GRIN2B: variants seen among roughly 807,000 people sequenced by gnomAD.
GRIN2B encodes glutamate ionotropic receptor NMDA type subunit 2B.
A neutral mutation model predicts 114.5 loss-of-function variants in GRIN2B; 5 were observed. The observed-to-expected ratio is 0.04, with a 90% CI of 0.02 to 0.09. GRIN2B has a LOEUF of 0.09. GRIN2B is among the 10% of genes least tolerant of loss of function. The pLI is 1.00. For synonymous variants in GRIN2B, 787 were observed against 745.1 expected, an observed-to-expected ratio of 1.06 and a Z score of -0.92; for missense variants, 1,108 against 1,943.5, an observed-to-expected ratio of 0.57 and a Z score of 8.08.
intron 3 of GRIN2B, among the ~76,000 whole-genome samples, chr12:13,806,987 A>G (rs777051966): frequency 7.2e-5 from 11 of 152,046 alleles, no homozygotes; most frequent in Non-Finnish European, 1.2e-4. Context: ...ATGACAGGGC[A>G]AGACTCCATC....
At chr12:13,930,115 T>C (rs1369122062) in intron 2 of GRIN2B, among the ~76,000 whole-genome samples, 3 of 151,696 alleles carry the variant, frequency 2.0e-5, no homozygotes, top group Admixed American at 6.6e-5. Flanking sequence ...ACCGGGGAGG[T>C]GGAAGCTGCA....
chr12:13,889,809 T>C (rs2136775297), intron 2 of GRIN2B, among the ~76,000 whole-genome samples: 1 of 152,262 alleles, frequency 6.6e-6, no homozygotes, highest in South Asian at 2.1e-4. Flanking sequence ...GCAGTACAAT[T>C]TTCACAAGTA....
At position 13,557,351 on chromosome 12, in the gene GRIN2B, A is replaced by G. The variant is rs566818885; in HGVS notation, c.*5432T>C. ...AGGTCATAAGTGGCTCTTTTACCAG[A>G]TAACAGGGCACCCCCTATGGAGGTG... On this transcript the variant is annotated 3_prime_UTR_variant, in exon 14 of 14. Transcript: ENST00000609686. 2 of 152,312 alleles carry G rather than the reference A, an allele frequency of 1.3e-5. No homozygotes were observed. The highest frequency in any genetic ancestry group is 6.5e-5 in the Admixed American group (1 of 15,300). The allele number at this position is 152,312 out of a possible 1,614,324, so 9.4% of individuals were successfully genotyped here. A position where few individuals can be genotyped will look rare whatever the true frequency, so the allele number is the denominator to read the frequency against.
intron 2 of GRIN2B, among the ~76,000 whole-genome samples, chr12:13,957,327 C>T (rs898428669): frequency 2.6e-5 from 4 of 152,076 alleles, no homozygotes; most frequent in African/African-American, 9.6e-5. Flanking sequence ...GGTGTGTATA[C>T]CATATACATG....
chr12:13,635,782 A>G (rs1253013335), intron 5 of GRIN2B, among the ~76,000 whole-genome samples: 1 of 152,172 alleles, frequency 6.6e-6, no homozygotes, highest in African/African-American at 2.4e-5. Context: ...AAGGTATTTT[A>G]TACCTCACAG....
chr12:13,658,371 C>T (rs527432313), intron 5 of GRIN2B, among the ~76,000 whole-genome samples: 58 of 152,104 alleles, frequency 3.8e-4, no homozygotes, highest in Middle Eastern at 6.8e-3. Flanking sequence ...CCTTAATGAA[C>T]GACTGCTATA....
intron 3 of GRIN2B, among the ~76,000 whole-genome samples, chr12:13,774,499 A>G (rs921836293): frequency 2.0e-5 from 3 of 152,196 alleles, no homozygotes; most frequent in Non-Finnish European, 4.4e-5. Context: ...GAGGCGTTTA[A>G]TAATTTTACA....
At chr12:13,611,951 A>G (rs1346388335) in intron 8 of GRIN2B, 101 bp from the exon 9 acceptor site, 1 of 1,196,546 alleles carries the variant, frequency 8.4e-7, no homozygotes, top group Admixed American at 1.7e-5. Flanking sequence ...TGGGGAACAA[A>G]CCACAATGTG....
Position 13,743,692 on chromosome 12 carries a change from C to T in GRIN2B, c.1010+9625G>A, listed in dbSNP as rs369365472. 7.9e-5 allele frequency among the ~76,000 whole-genome samples: 12 copies of T among 151,176 alleles called. No homozygotes were observed. The East Asian group carries it at 1.2e-3, about 15-fold the overall frequency. Reference sequence around the variant, plus strand: ...TATGTGAGGTTTCTCTGTTGAAGTCCGCAGCCAATCCTTGCAGTGAATAAA... The same window carrying T: ...TATGTGAGGTTTCTCTGTTGAAGTCTGCAGCCAATCCTTGCAGTGAATAAA... On this transcript the variant is annotated intron_variant, in intron 4 of 13. Coordinates refer to ENST00000609686, the MANE Select transcript of GRIN2B (RefSeq NM_000834.5).
rs981462614 is a variant in GRIN2B, at chr12:13,660,760, C to T, written c.1125+14985G>A. 1.8e-4 allele frequency among the ~76,000 whole-genome samples: 27 copies of T among 152,202 alleles called. 2 individuals carry two copies. ...ACTTCCTTTGCATCCTTATTTAGCA[C>T]TTGCACAATATAAAGATACACGTGT... On this transcript the variant is annotated intron_variant, in intron 5 of 13. Coordinates refer to ENST00000609686, the MANE Select transcript of GRIN2B (RefSeq NM_000834.5).
intron 4 of GRIN2B, among the ~76,000 whole-genome samples, chr12:13,689,440 C>T (rs991402965): frequency 1.3e-5 from 2 of 152,076 alleles, no homozygotes; most frequent in African/African-American, 2.4e-5. Context: ...CTTTTAATTT[C>T]CCATGCCCAA....
At chr12:13,711,561 G>A (rs915563659) in intron 4 of GRIN2B, among the ~76,000 whole-genome samples, 4 of 152,052 alleles carry the variant, frequency 2.6e-5, no homozygotes, top group Admixed American at 6.6e-5. Context: ...ATCAAAAAGT[G>A]GGCAAAGGAT....
chr12:13,798,069 T>C (rs1029132035), intron 3 of GRIN2B, among the ~76,000 whole-genome samples: 3 of 152,226 alleles, frequency 2.0e-5, no homozygotes, highest in South Asian at 2.1e-4. Flanking sequence ...CCAGATAACA[T>C]TGATGCTGCT....
chr12:13,609,452 G>A (rs1461963255), intron 9 of GRIN2B, among the ~76,000 whole-genome samples: 1 of 152,070 alleles, frequency 6.6e-6, no homozygotes, highest in African/African-American at 2.4e-5. Context: ...TTCCCAACTG[G>A]TTTCCTGTCA....
intron 2 of GRIN2B, among the ~76,000 whole-genome samples, chr12:13,939,765 G>T (rs1208926027): frequency 6.6e-6 from 1 of 151,824 alleles, no homozygotes; most frequent in Non-Finnish European, 1.5e-5. Context: ...GCCCAGGCTG[G>T]TTAAAATGCT....
chr12:13,685,521 G>A (rs1052745735), intron 4 of GRIN2B, among the ~76,000 whole-genome samples: 4 of 152,194 alleles, frequency 2.6e-5, no homozygotes, highest in African/African-American at 9.7e-5. Context: ...GGTCAAAGGA[G>A]GGAGGATCTT....
chr12:13,923,283 T>G (rs573644729), intron 2 of GRIN2B, among the ~76,000 whole-genome samples: 2 of 152,356 alleles, frequency 1.3e-5, no homozygotes, highest in African/African-American at 4.8e-5. Context: ...AAAATCACAT[T>G]GTTTAGATTC....
intron 2 of GRIN2B, among the ~76,000 whole-genome samples, chr12:13,892,280 A>AT (rs1159096161): frequency 6.6e-6 from 1 of 152,220 alleles, no homozygotes; most frequent in African/African-American, 2.4e-5. Context: ...GAAGAAAAAA[A>AT]CCAGAAGTCC....
At chr12:13,892,992 ACTGAATGATGACCTG>A (rs1242095512) in intron 2 of GRIN2B, among the ~76,000 whole-genome samples, 2 of 152,166 alleles carry the variant, frequency 1.3e-5, no homozygotes. Flanking sequence ...TGAAGTCAGA[ACTGAATGATGACCTG>A]ACCAAAACCA....
Sources: allele counts gnomAD v4.1 joint callset (sites outside exome capture counted in the v4.1 genomes callset), GRCh38; gene constraint gnomAD v4.1.1; transcripts MANE v1.5; gene names NCBI Gene and HGNC (gene_info 2026-07-23, HGNC 2026-07-21).